Variants in TMEM71 observed in about 807,000 individuals in gnomAD.
TMEM71 encodes transmembrane protein 71.
TMEM71 carries 44 observed loss-of-function variants against 38.0 expected under a neutral mutation model. The ratio of observed to expected loss-of-function variants is 1.16; its 90% CI spans 0.91 to 1.49. TMEM71 has a LOEUF of 1.49. Among genes scored for constraint, TMEM71 ranks in the 40% most tolerant of loss-of-function variants. The pLI is 0.00. For missense variants in TMEM71, 367 were observed against 348.6 expected (o/e 1.05, Z -0.42); for synonymous variants, 133 against 122.5 (o/e 1.09, Z -0.56).
chr8:132,737,249 G>A (rs1427193760), intron 5 of TMEM71, among the ~76,000 whole-genome samples: 2 of 152,178 alleles, frequency 1.3e-5, no homozygotes, highest in African/African-American at 4.8e-5. Context: ...TAGATTTTAA[G>A]GAACGTGGAT....
the TMEM71 span, chr8:132,775,250 C>T: frequency 1.3e-5 from 4 of 315,990 alleles, no homozygotes; most frequent in South Asian, 1.5e-4. Flanking sequence ...CGTCAACGAC[C>T]GCAAAGCCCC....
At chr8:132,740,377 C>A (rs988844539) in intron 5 of TMEM71, among the ~76,000 whole-genome samples, 2 of 152,154 alleles carry the variant, frequency 1.3e-5, no homozygotes, top group Admixed American at 6.5e-5. Flanking sequence ...ATTTGCAATC[C>A]CCATCACTTC....
chr8:132,741,584 C>T (rs1828041018), intron 5 of TMEM71, among the ~76,000 whole-genome samples: 1 of 75,968 alleles, frequency 1.3e-5, no homozygotes, highest in Non-Finnish European at 3.2e-5. Flanking sequence ...GGGGGCCCTT[C>T]CTGCCTGGCA....
chr8:132,768,165 T>C, the TMEM71 span, among the ~76,000 whole-genome samples: 3 of 152,192 alleles, frequency 2.0e-5, no homozygotes, highest in Non-Finnish European at 4.4e-5. Flanking sequence ...GAATAGTTCA[T>C]GTCCAGGTAG....
the TMEM71 span, among the ~76,000 whole-genome samples, chr8:132,768,196 G>C: frequency 2.6e-5 from 4 of 152,256 alleles, no homozygotes; most frequent in South Asian, 8.3e-4. Context: ...TGAGATTTTG[G>C]ATGCTTTGTC....
chr8:132,713,033 G>A (rs774390774), intron 9 of TMEM71, among the ~76,000 whole-genome samples: 7 of 151,402 alleles, frequency 4.6e-5, no homozygotes, highest in Non-Finnish European at 8.8e-5. Context: ...TCTATTTTTC[G>A]TAGGTCTCAC....
intron 5 of TMEM71, among the ~76,000 whole-genome samples, chr8:132,742,008 C>G (rs925746953): frequency 3.9e-5 from 6 of 152,232 alleles, no homozygotes; most frequent in Admixed American, 3.3e-4. Flanking sequence ...CCAAGGAGCC[C>G]TTCTGGTGGC....
intron 6 of TMEM71, among the ~76,000 whole-genome samples, chr8:132,725,101 G>T (rs1259135114): frequency 6.7e-6 from 1 of 149,694 alleles, no homozygotes; most frequent in Non-Finnish European, 1.5e-5. Flanking sequence ...TGCAGTGCAT[G>T]ATCTTGGCTC....
At chr8:132,711,961 T>G (rs1057365702) in intron 9 of TMEM71, among the ~76,000 whole-genome samples, 4 of 152,246 alleles carry the variant, frequency 2.6e-5, no homozygotes, top group Middle Eastern at 3.4e-3. Context: ...AACCATATCT[T>G]TGGTTTATTA....
At chr8:132,709,865 T>G (rs1174292000), downstream of TMEM71, 1 of 151,934 alleles carries the variant, frequency 6.6e-6, no homozygotes, top group East Asian at 1.9e-4. Context: ...AATAATACAG[T>G]CTTCAATGAA....
At chr8:132,716,470 C>G (rs1563742339) in intron 7 of TMEM71, among the ~76,000 whole-genome samples, 2 of 152,194 alleles carry the variant, frequency 1.3e-5, no homozygotes, top group Non-Finnish European at 2.9e-5. Context: ...ACCTAACACC[C>G]CCTTTCAAAA....
chr8:132,721,966 G>A, intron 7 of TMEM71, 74 bp downstream of exon 7: 1 of 1,292,276 alleles, frequency 7.7e-7, no homozygotes, highest in Admixed American at 1.7e-5. Flanking sequence ...GTGGAATAAG[G>A]CAAGGAAATC....
chr8:132,761,605 G>C (rs1223139367), upstream of TMEM71, among the ~76,000 whole-genome samples: 1 of 152,202 alleles, frequency 6.6e-6, no homozygotes, highest in East Asian at 1.9e-4. Context: ...ACTGTCAGGA[G>C]GAGGGCCCAT....
rs1185242143 is a variant in TMEM71, at chr8:132,714,056, G to A, written c.815-4C>T. 5 of 1,613,852 alleles carry A rather than the reference G, an allele frequency of 3.1e-6. No homozygotes were observed. Among genetic ancestry groups the A allele is most frequent in the African/African-American group, 1.3e-5 (1 of 75,030 alleles). ...CTGAGAAACAATGATTTCACATCTT[G>A]AGTGAAACAGAGAAAATATTTTAAA... On this transcript the variant is annotated splice_polypyrimidine_tract_variant and splice_region_variant and intron_variant, in intron 8 of 9. Coordinates refer to ENST00000677595, the MANE Select transcript of TMEM71 (RefSeq NM_001382403.1).
chr8:132,713,851 T>C (rs1826363137), intron 9 of TMEM71, 144 bp downstream of exon 9: 2 of 720,568 alleles, frequency 2.8e-6, no homozygotes, highest in Middle Eastern at 2.9e-4. Flanking sequence ...TATTAAATTT[T>C]AGCAGTAACA....
At chr8:132,760,128 G>A (rs1829249222) in intron 1 of TMEM71, among the ~76,000 whole-genome samples, 6 of 151,766 alleles carry the variant, frequency 4.0e-5, no homozygotes, top group Admixed American at 3.9e-4. Flanking sequence ...TATCTCACAA[G>A]TGCTTAGAAG....
chr8:132,773,593 G>T, the TMEM71 span, among the ~76,000 whole-genome samples: 1 of 152,166 alleles, frequency 6.6e-6, no homozygotes, highest in Non-Finnish European at 1.5e-5. Flanking sequence ...CAGGGGTTCT[G>T]CCAGAGTTCA....
intron 9 of TMEM71, among the ~76,000 whole-genome samples, chr8:132,712,896 G>A (rs1014466371): frequency 6.6e-6 from 1 of 151,842 alleles, no homozygotes; most frequent in Non-Finnish European, 1.5e-5. Context: ...CCAGGCTGAA[G>A]TGCAGTGGCA....
At chr8:132,708,303 G>A (rs1287999071), downstream of TMEM71, among the ~76,000 whole-genome samples, 2 of 152,156 alleles carry the variant, frequency 1.3e-5, no homozygotes, top group Non-Finnish European at 2.9e-5. Context: ...TGGATCTGCA[G>A]GATATTAAGG....
Sources: allele counts gnomAD v4.1 joint callset (sites outside exome capture counted in the v4.1 genomes callset), GRCh38; gene constraint gnomAD v4.1.1; transcripts MANE v1.5; gene names NCBI Gene and HGNC (gene_info 2026-07-23, HGNC 2026-07-21).